Variants in AP1M1 observed in about 807,000 individuals in gnomAD.
The protein encoded by AP1M1 is AP-1 complex subunit mu-1.
A neutral mutation model predicts 57.1 loss-of-function variants in AP1M1; 18 were observed. That is an observed-to-expected ratio of 0.32 (90% CI 0.22 to 0.47). The LOEUF (loss-of-function observed/expected upper bound fraction) is 0.47, where lower values mean the gene tolerates loss of function less well. Among genes scored for constraint, AP1M1 ranks in the 20% least tolerant of loss-of-function variants. The pLI, the probability that AP1M1 is intolerant of heterozygous loss-of-function variation, is 1.00. For synonymous variants in AP1M1, 241 were observed against 237.9 expected (o/e 1.01, Z -0.12); for missense variants, 362 against 593.5 (o/e 0.61, Z 4.05).
intron 5 of AP1M1, among the ~76,000 whole-genome samples, chr19:16,223,460 T>G (rs1290543525): frequency 6.6e-6 from 1 of 152,198 alleles, no homozygotes; most frequent in Non-Finnish European, 1.5e-5. Flanking sequence ...GTTGTACACG[T>G]CTGCCATTGG....
At chr19:16,222,379 T>TA (rs927012726) in intron 5 of AP1M1, among the ~76,000 whole-genome samples, 1 of 151,180 alleles carries the variant, frequency 6.6e-6, no homozygotes, top group Non-Finnish European at 1.5e-5. Context: ...GGCTAATTTT[T>TA]AAAAAAAAAT....
At chr19:16,226,651 C>T in intron 6 of AP1M1, 104 bp downstream of exon 6, 5 of 1,409,642 alleles carry the variant, frequency 3.5e-6, no homozygotes, top group Non-Finnish European at 4.7e-6. Flanking sequence ...GAGCTGGTTT[C>T]AAGCACTTGG....
chr19:16,203,622 C>G lies in AP1M1; in HGVS notation c.199+7C>G. ...AAACACAACAACCTGTATCGTATCC[C>G]TTTGCTGGGGGTGCTCCCAGGGGAC... On this transcript the variant is annotated splice_region_variant and intron_variant, in intron 2 of 11. Coordinates refer to ENST00000291439, the MANE Select transcript of AP1M1 (RefSeq NM_032493.4). This position sits in a 1 kb window ranked among gnomAD's most constrained non-coding sequence, Gnocchi z 4.6. The G allele has an allele frequency of 6.3e-7, 1 of 1,597,332 alleles. No homozygotes were observed. Among genetic ancestry groups the G allele is most frequent in the Non-Finnish European group, 8.5e-7 (1 of 1,169,742 alleles).
chr19:16,245,214 G>C lies in AP1M1; in HGVS notation c.*10779G>C, dbSNP rs1206706149. ...CCCAGCCAAATCTGCATTTTGATAA[G>C]TATGCATTTTACTATCTAAGGGAGC... On this transcript the variant is annotated 3_prime_UTR_variant, in exon 12 of 12. Transcript: ENST00000291439. The C allele has an allele frequency of 6.6e-6, 1 of 152,044 alleles. No individual in the cohort carries two copies. Among genetic ancestry groups the C allele is most frequent in the African/African-American group, 2.4e-5 (1 of 41,404 alleles). The allele number at this position is 152,044 out of a possible 1,614,324, so 9.4% of individuals were successfully genotyped here. A position where few individuals can be genotyped will look rare whatever the true frequency, so the allele number is the denominator to read the frequency against.
At chr19:16,232,602 C>G (rs1245809952) in intron 9 of AP1M1, among the ~76,000 whole-genome samples, 1 of 152,218 alleles carries the variant, frequency 6.6e-6, no homozygotes, top group Admixed American at 6.5e-5. Flanking sequence ...GTCACCAAGT[C>G]AGGCAGAGTC....
In AP1M1 at chr19:16,208,111, C is replaced by T. The variant is rs368128882; in HGVS notation, c.360C>T (p.Phe120=). The T allele has an allele frequency of 3.5e-5, 56 of 1,613,392 alleles. No homozygotes were observed. In the African/African-American group the frequency reaches 4.9e-4, roughly 14 times the overall value. ...AGCTGCTGGACGAGCTCATGGACTT[C>T]GGCTACCCCCAGACCACCGACAGCA... ...IYELLDELMD[F]GYPQTTDSKI... The change falls in exon 4 of 12, where the codon TTC becomes TTT. Residue 120 remains phenylalanine (F), a synonymous_variant. Transcript: ENST00000291439.
chr19:16,226,613 A>G (rs1350725310), intron 6 of AP1M1, 66 bp downstream of exon 6: 1 of 1,498,064 alleles, frequency 6.7e-7, no homozygotes, highest in African/African-American at 1.4e-5. Context: ...ATTACAGCCT[A>G]GGGCAGGGTT....
chr19:16,227,356 G>T lies in AP1M1; in HGVS notation c.674-192G>T, dbSNP rs1487077692. Among the ~76,000 whole-genome samples the T allele has an allele frequency of 6.6e-6, 1 of 151,978 alleles. No homozygotes were observed. The highest frequency in any genetic ancestry group is 6.5e-5 in the Admixed American group (1 of 15,286). On this transcript the variant is annotated intron_variant, in intron 6 of 11. Transcript: ENST00000291439. This position sits in a 1 kb window ranked among gnomAD's most constrained non-coding sequence, Gnocchi z 6.2. Reference sequence around the variant, plus strand: ...CAGACCCACCAGCCCTGCCCCTGGGGACCCCAGGGGTGTGAGGAGTGATGG... The same window carrying T: ...CAGACCCACCAGCCCTGCCCCTGGGTACCCCAGGGGTGTGAGGAGTGATGG...
Position 16,243,156 on chromosome 19 carries a change from G to A in AP1M1, c.*8721G>A, listed in dbSNP as rs868232678. 1.3e-5 allele frequency: 2 copies of A among 152,040 alleles called. No individual in the cohort carries two copies. Among genetic ancestry groups the A allele is most frequent in the African/African-American group, 4.8e-5 (2 of 41,388 alleles). The allele number at this position is 152,040 out of a possible 1,614,324, so 9.4% of individuals were successfully genotyped here. ...CACAACTCCAAGAATTATTATTAGA[G>A]TTCCCACTCTCTGAGGAATTTTCAA... On this transcript the variant is annotated 3_prime_UTR_variant, in exon 12 of 12. Coordinates refer to ENST00000291439, the MANE Select transcript of AP1M1 (RefSeq NM_032493.4).
chr19:16,226,506 G>T lies in AP1M1; in HGVS notation c.632G>T (p.Arg211Leu). Reference sequence around the variant, plus strand: ...TTCCTCTCGGGCATGCCCGAGCTGCGCCTGGGCCTCAACGACAAGGTCCTC... The same window carrying T: ...TTCCTCTCGGGCATGCCCGAGCTGCTCCTGGGCCTCAACGACAAGGTCCTC... ...RVFLSGMPEL[R>L]LGLNDKVLFD... The change falls in exon 6 of 12, where the codon CGC (arginine) becomes CTC (leucine). Residue 211 changes from arginine (R) to leucine (L), a missense_variant. Around this residue, in one of 2 missense-constraint regions of AP1M1, gnomAD observed 337 missense variants for 511.1 expected, o/e 0.66. Coordinates refer to ENST00000291439, the MANE Select transcript of AP1M1 (RefSeq NM_032493.4). The T allele has an allele frequency of 6.3e-7, 1 of 1,590,006 alleles. No homozygotes were observed. Among genetic ancestry groups the T allele is most frequent in the Non-Finnish European group, 8.6e-7 (1 of 1,167,526 alleles).
At position 16,237,760 on chromosome 19, in the gene AP1M1, C is replaced by T. The variant is rs972780374; in HGVS notation, c.*3325C>T. On this transcript the variant is annotated 3_prime_UTR_variant, in exon 12 of 12. Coordinates refer to ENST00000291439, the MANE Select transcript of AP1M1 (RefSeq NM_032493.4). ...AAAAGAAAAAAAAAAGGCAAACGTT[C>T]AACCATGTAGCTATTCAGGAAATAT... 4 of 151,920 alleles carry T rather than the reference C, an allele frequency of 2.6e-5. No individual in the cohort carries two copies. Among genetic ancestry groups the T allele is most frequent in the Admixed American group, 1.3e-4 (2 of 15,234 alleles). The allele number at this position is 151,920 out of a possible 1,614,324, so 9.4% of individuals were successfully genotyped here. A position where few individuals can be genotyped will look rare whatever the true frequency, so the allele number is the denominator to read the frequency against.
At chr19:16,202,420 A>G (rs2091452576) in intron 1 of AP1M1, among the ~76,000 whole-genome samples, 1 of 152,202 alleles carries the variant, frequency 6.6e-6, no homozygotes, top group Non-Finnish European at 1.5e-5. Flanking sequence ...ACCTGCACTT[A>G]TCTAAAGTGT....
rs1008848495 is a variant in AP1M1, at chr19:16,227,887, C to G, written c.816+197C>G. ...CAGACCCCTTTGGCCACCACCACCC[C>G]TTTCCCAGGCAGCCCCCAGAGCAGG... is the stretch of plus-strand genomic sequence containing the variant. On this transcript the variant is annotated intron_variant, in intron 7 of 11. Transcript: ENST00000291439. This position sits in a 1 kb window ranked among gnomAD's most constrained non-coding sequence, Gnocchi z 6.2. Among the ~76,000 whole-genome samples the G allele has an allele frequency of 1.3e-5, 2 of 152,178 alleles. No individual in the cohort carries two copies. Among genetic ancestry groups the G allele is most frequent in the Non-Finnish European group, 2.9e-5 (2 of 68,028 alleles).
rs1306962826 is a variant in AP1M1, at chr19:16,206,869, C to T, written c.267+461C>T. Reference sequence around the variant, plus strand: ...CTGCCAGTGAGACACAGATAGCAGCCAGGGTGAAGGCGCCAGGACAGGTGT... The same window carrying T: ...CTGCCAGTGAGACACAGATAGCAGCTAGGGTGAAGGCGCCAGGACAGGTGT... On this transcript the variant is annotated intron_variant, in intron 3 of 11. Transcript: ENST00000291439. The surrounding 1 kb of genome is among the most constrained non-coding windows in gnomAD (Gnocchi z 4.3). Among the ~76,000 whole-genome samples the T allele has an allele frequency of 6.6e-6, 1 of 152,110 alleles. No individual in the cohort carries two copies. Among genetic ancestry groups the T allele is most frequent in the Non-Finnish European group, 1.5e-5 (1 of 68,006 alleles).
intron 5 of AP1M1, among the ~76,000 whole-genome samples, chr19:16,222,211 ATTTTTT>A (rs1185219025): frequency 4.3e-4 from 54 of 125,114 alleles, no homozygotes; most frequent in African/African-American, 1.6e-3. Context: ...TATTATTATT[ATTTTTT>A]TTTTTTTTGA....
At chr19:16,217,615 G>C (rs993417962) in intron 5 of AP1M1, among the ~76,000 whole-genome samples, 2 of 152,146 alleles carry the variant, frequency 1.3e-5, no homozygotes, top group Non-Finnish European at 2.9e-5. Context: ...CTGCAAGCAG[G>C]CTTGGCCAGG....
At chr19:16,223,311 A>G (rs914771229) in intron 5 of AP1M1, among the ~76,000 whole-genome samples, 25 of 152,180 alleles carry the variant, frequency 1.6e-4, no homozygotes, top group Admixed American at 1.6e-3. Context: ...CGTAAGTCAA[A>G]CTATGGTATA....
Position 16,228,024 on chromosome 19 carries a change from C to T in AP1M1, c.817-113C>T. 8.8e-7 allele frequency: 1 copy of T among 1,142,000 alleles called. No individual in the cohort carries two copies. Among genetic ancestry groups the T allele is most frequent in the South Asian group, 1.3e-5 (1 of 76,308 alleles). 70.7% of individuals were successfully genotyped at this position (1,142,000 alleles called of 1,614,324 possible). A position where few individuals can be genotyped will look rare whatever the true frequency, so the allele number is the denominator to read the frequency against. On this transcript the variant is annotated intron_variant, in intron 7 of 11. Coordinates refer to ENST00000291439, the MANE Select transcript of AP1M1 (RefSeq NM_032493.4). The surrounding 1 kb of genome is among the most constrained non-coding windows in gnomAD (Gnocchi z 5.0). ...CTGGCTGTACGCTCCCTGCAGGGCT[C>T]TGGGCCCACACCTGGGCAGATGGTC...
Position 16,203,523 on chromosome 19 carries a change from T to A in AP1M1, c.107T>A (p.Ile36Asn), listed in dbSNP as rs927596999. 1 of 1,614,110 alleles carries A rather than the reference T, an allele frequency of 6.2e-7. No individual in the cohort carries two copies. The highest frequency in any genetic ancestry group is 8.5e-7 in the Non-Finnish European group (1 of 1,179,994). Residue 36 changes from isoleucine (I) to asparagine (N), a missense_variant, in exon 2 of 12, where the codon ATC becomes AAC. By Grantham distance (149) the Ile-to-Asn change is moderately radical. Coordinates refer to ENST00000291439, the MANE Select transcript of AP1M1 (RefSeq NM_032493.4). The surrounding 1 kb of genome is among the most constrained non-coding windows in gnomAD (Gnocchi z 4.6). ...TCAGAGGTGGAGCACTTCATGCCCATCCTGATGGAGAAGGAGGAGGAGGGG... is the reference window on the plus strand; with the variant it reads ...TCAGAGGTGGAGCACTTCATGCCCAACCTGATGGAGAAGGAGGAGGAGGGG... ...DMSEVEHFMP[I>N]LMEKEEEGML...
Sources: allele counts gnomAD v4.1 joint callset (sites outside exome capture counted in the v4.1 genomes callset), GRCh38; gene constraint gnomAD v4.1.1; regional missense constraint gnomAD v4.1.1; non-coding constraint Gnocchi (gnomAD v3.1); transcripts MANE v1.5; gene names NCBI Gene and HGNC (gene_info 2026-07-23, HGNC 2026-07-21).